C1orf21: variants seen among roughly 807,000 people sequenced by gnomAD.
C1orf21 encodes the protein chromosome 1 open reading frame 21, also known as uncharacterized protein C1orf21.
In C1orf21, 3 loss-of-function variants were observed where a neutral mutation model predicts 18.7. The observed-to-expected ratio is 0.16, with a 90% CI of 0.07 to 0.42. The LOEUF is 0.42. Ranked by LOEUF, C1orf21 falls within the 10% of genes least tolerant of loss-of-function variation. C1orf21 has a pLI of 0.99. For synonymous variants in C1orf21, 41 were observed against 46.4 expected (o/e 0.88, Z 0.47); for missense variants, 104 against 143.6 (o/e 0.72, Z 1.41).
chr1:184,489,909 T>C (rs1657792483), intron 2 of C1orf21, among the ~76,000 whole-genome samples: 1 of 152,256 alleles, frequency 6.6e-6, no homozygotes, highest in Non-Finnish European at 1.5e-5. Context: ...TATTTTTCTG[T>C]GTGTCTTGAA....
intron 5 of C1orf21, among the ~76,000 whole-genome samples, chr1:184,613,599 C>A (rs1045722220): frequency 4.6e-5 from 7 of 152,154 alleles, no homozygotes; most frequent in African/African-American, 1.7e-4. Context: ...TCTTCCCTTA[C>A]TAAAGTACCA....
At chr1:184,579,012 A>G (rs990284970) in intron 3 of C1orf21, among the ~76,000 whole-genome samples, 8 of 150,812 alleles carry the variant, frequency 5.3e-5, no homozygotes, top group Non-Finnish European at 7.4e-5. Flanking sequence ...AAAAAAAAAA[A>G]AAGAACTGAG....
At chr1:184,451,197 CT>C (rs1315759557) in intron 1 of C1orf21, among the ~76,000 whole-genome samples, 1 of 151,998 alleles carries the variant, frequency 6.6e-6, no homozygotes, top group African/African-American at 2.4e-5. Flanking sequence ...CTTTTTAAGC[CT>C]ATGATTTTTT....
At chr1:184,593,830 T>C (rs1218923549) in intron 4 of C1orf21, among the ~76,000 whole-genome samples, 1 of 152,226 alleles carries the variant, frequency 6.6e-6, no homozygotes, top group East Asian at 1.9e-4. Flanking sequence ...ATGCGCAATA[T>C]TGAATGGGCC....
At chr1:184,491,658 C>G (rs998727575) in intron 2 of C1orf21, among the ~76,000 whole-genome samples, 2 of 152,066 alleles carry the variant, frequency 1.3e-5, no homozygotes, top group Non-Finnish European at 2.9e-5. Flanking sequence ...GGCCCTTTTC[C>G]TTTGTTTTTA....
Position 184,623,802 on chromosome 1 carries a change from T to G in C1orf21, c.*4246T>G, listed in dbSNP as rs1231478348. The G allele has an allele frequency of 6.6e-6, 1 of 152,438 alleles. No individual in the cohort carries two copies. Among genetic ancestry groups the G allele is most frequent in the South Asian group, 2.1e-4 (1 of 4,820 alleles). 9.4% of individuals were successfully genotyped at this position (152,438 alleles called of 1,614,324 possible). ...CTTTTTGTATGTCTCTAGAAAGGGG[T>G]CAAAAAACTATGGTAAAGATGAGGC... On this transcript the variant is annotated 3_prime_UTR_variant, in exon 6 of 6. Coordinates refer to ENST00000235307, the MANE Select transcript of C1orf21 (RefSeq NM_030806.4).
chr1:184,436,570 GA>G (rs565695695), intron 1 of C1orf21, among the ~76,000 whole-genome samples: 4 of 151,042 alleles, frequency 2.6e-5, no homozygotes, highest in South Asian at 2.1e-4. Context: ...CCCTAAAGGA[GA>G]AAAAAAAATG....
intron 1 of C1orf21, among the ~76,000 whole-genome samples, chr1:184,395,944 A>T (rs1324150955): frequency 6.6e-6 from 1 of 151,964 alleles, no homozygotes; most frequent in Non-Finnish European, 1.5e-5. Flanking sequence ...CTAACTTTGA[A>T]TTTTTTTTAT....
intron 5 of C1orf21, among the ~76,000 whole-genome samples, chr1:184,610,206 C>G (rs1358050604): frequency 6.6e-6 from 1 of 152,214 alleles, no homozygotes; most frequent in Non-Finnish European, 1.5e-5. Flanking sequence ...ATGTGAAAAA[C>G]AGCATGAAAT....
At chr1:184,502,478 CA>C (rs1335786691) in intron 2 of C1orf21, among the ~76,000 whole-genome samples, 1 of 152,110 alleles carries the variant, frequency 6.6e-6, no homozygotes, top group Non-Finnish European at 1.5e-5. Flanking sequence ...CAATAATAAG[CA>C]CCACCACAGG....
intron 5 of C1orf21, among the ~76,000 whole-genome samples, chr1:184,610,628 C>T (rs1045030034): frequency 1.3e-5 from 2 of 152,096 alleles, no homozygotes; most frequent in Non-Finnish European, 1.5e-5. Flanking sequence ...AGGCGGATCA[C>T]GAGGTCAAGA....
intron 1 of C1orf21, among the ~76,000 whole-genome samples, chr1:184,399,056 T>C (rs1434155108): frequency 6.6e-6 from 1 of 152,182 alleles, no homozygotes; most frequent in Non-Finnish European, 1.5e-5. Context: ...TTAAAAATTA[T>C]TACTTTTTTG....
chr1:184,410,493 G>T (rs1490770254), intron 1 of C1orf21, among the ~76,000 whole-genome samples: 1 of 147,734 alleles, frequency 6.8e-6, no homozygotes, highest in African/African-American at 2.6e-5. Context: ...GTGGATGAAG[G>T]TTGCTAATGG....
At chr1:184,463,082 C>CAAAAAAAAA (rs397982231) in intron 1 of C1orf21, among the ~76,000 whole-genome samples, 4 of 80,278 alleles carry the variant, frequency 5.0e-5, no homozygotes, top group Admixed American at 1.5e-4. Context: ...GACTCCATCT[C>CAAAAAAAAA]AAAAAAAAAA....
At chr1:184,447,843 C>T (rs1391755358) in intron 1 of C1orf21, among the ~76,000 whole-genome samples, 1 of 152,148 alleles carries the variant, frequency 6.6e-6, no homozygotes, top group African/African-American at 2.4e-5. Context: ...GGTCATTTCA[C>T]ATTTCTGCTG....
chr1:184,525,856 G>A (rs564364406), intron 3 of C1orf21, among the ~76,000 whole-genome samples: 1 of 152,274 alleles, frequency 6.6e-6, no homozygotes, highest in South Asian at 2.1e-4. Context: ...GAAGGAGAAT[G>A]TCCAGTCACC....
chr1:184,519,359 G>A (rs1232184339), intron 3 of C1orf21, among the ~76,000 whole-genome samples: 1 of 152,164 alleles, frequency 6.6e-6, no homozygotes, highest in Non-Finnish European at 1.5e-5. Context: ...CAATACTTTA[G>A]ATTTCTGGCC....
chr1:184,535,544 G>A (rs1272521962), intron 3 of C1orf21, among the ~76,000 whole-genome samples: 1 of 152,194 alleles, frequency 6.6e-6, no homozygotes, highest in East Asian at 1.9e-4. Flanking sequence ...CCTGGTGAAT[G>A]TCATTTTTAA....
intron 1 of C1orf21, among the ~76,000 whole-genome samples, chr1:184,447,489 C>A (rs755049382): frequency 6.6e-6 from 1 of 152,128 alleles, no homozygotes; most frequent in Non-Finnish European, 1.5e-5. Context: ...CCTATTCATT[C>A]GTCTACTCTT....
Sources: allele counts gnomAD v4.1 joint callset (sites outside exome capture counted in the v4.1 genomes callset), GRCh38; gene constraint gnomAD v4.1.1; transcripts MANE v1.5; gene names NCBI Gene and HGNC (gene_info 2026-07-23, HGNC 2026-07-21).